Variants in LRGUK observed in about 807,000 individuals in gnomAD.
LRGUK encodes the protein leucine rich repeats and guanylate kinase domain containing.
In LRGUK, 65 loss-of-function variants were observed where a neutral mutation model predicts 76.0. That is an observed-to-expected ratio of 0.85 (90% CI 0.70 to 1.05). The LOEUF (loss-of-function observed/expected upper bound fraction) is 1.05, where lower values mean the gene tolerates loss of function less well. LRGUK is among the 50% of genes least tolerant of loss of function. The pLI is 0.00. For synonymous variants in LRGUK, 268 were observed against 265.6 expected (o/e 1.01, Z -0.09); for missense variants, 758 against 732.8 (o/e 1.03, Z -0.40).
At position 134,217,107 on chromosome 7, in the gene LRGUK, T is replaced by C. The variant is rs142410458; in HGVS notation, c.1844-4672T>C. Among the ~76,000 whole-genome samples, 378 of 152,206 alleles carry C rather than the reference T, an allele frequency of 2.5e-3. 2 individuals carry two copies. Among genetic ancestry groups the C allele is most frequent in the Admixed American group, 0.024 (374 of 15,270 alleles). ...TTGAAATTTACCTGTTCTATGTGTT[T>C]TATCTTCTTTAAAGTGTCAAGTAAC... On this transcript the variant is annotated intron_variant, in intron 15 of 19. Coordinates refer to the LRGUK transcript ENST00000285928.
chr7:134,134,858 C>T (rs1339039615), intron 1 of LRGUK, among the ~76,000 whole-genome samples: 1 of 152,168 alleles, frequency 6.6e-6, no homozygotes, highest in African/African-American at 2.4e-5. Flanking sequence ...TTAGTAGTAA[C>T]AGAAATCGTC....
chr7:134,158,048 A>G, exon 6 of LRGUK: 1 of 1,612,506 alleles, frequency 6.2e-7, no homozygotes, highest in Non-Finnish European at 8.5e-7. Flanking sequence ...ATGAGATAGA[A>G]GAAATCAGTG....
intron 8 of LRGUK, among the ~76,000 whole-genome samples, chr7:134,176,215 G>T (rs995416570): frequency 6.6e-6 from 1 of 152,092 alleles, no homozygotes; most frequent in Non-Finnish European, 1.5e-5. Context: ...AACATACCCT[G>T]GGGCCTGTCA....
intron 1 of LRGUK, among the ~76,000 whole-genome samples, chr7:134,129,151 CCT>C (rs1414153704): frequency 3.5e-5 from 4 of 112,850 alleles, no homozygotes; most frequent in African/African-American, 1.4e-4. Flanking sequence ...TCCCTTCCTT[CCT>C]CTTTCTTTCT....
intron 15 of LRGUK, among the ~76,000 whole-genome samples, chr7:134,202,121 T>A (rs1368425985): frequency 1.3e-5 from 2 of 152,110 alleles, no homozygotes; most frequent in African/African-American, 4.8e-5. Flanking sequence ...GACCTAATGC[T>A]CCTTATCTAA....
At chr7:134,137,759 A>G (rs11762482) in intron 2 of LRGUK, among the ~76,000 whole-genome samples, 232 of 152,264 alleles carry the variant, frequency 1.5e-3, no homozygotes, top group Non-Finnish European at 2.9e-3. Flanking sequence ...GTCTCTCTGT[A>G]GTCCTAGAAA....
intron 16 of LRGUK, among the ~76,000 whole-genome samples, chr7:134,245,541 G>A (rs1433174192): frequency 6.6e-6 from 1 of 152,056 alleles, no homozygotes; most frequent in East Asian, 1.9e-4. Flanking sequence ...CCTGTCACCT[G>A]GTTTCGTTGT....
At chr7:134,152,437 A>C (rs759966309) in intron 5 of LRGUK, among the ~76,000 whole-genome samples, 13 of 152,088 alleles carry the variant, frequency 8.5e-5, no homozygotes, top group Non-Finnish European at 1.8e-4. Context: ...AGATGAGAAA[A>C]AGAATTTTAT....
At chr7:134,220,167 C>A (rs1273568510) in intron 15 of LRGUK, among the ~76,000 whole-genome samples, 1 of 152,134 alleles carries the variant, frequency 6.6e-6, no homozygotes, top group East Asian at 1.9e-4. Context: ...ATACAGTTGT[C>A]TCATTTTGTC....
chr7:134,272,287 C>A, the LRGUK span, among the ~76,000 whole-genome samples: 4 of 152,072 alleles, frequency 2.6e-5, no homozygotes, highest in East Asian at 7.7e-4. Context: ...CAATCATATT[C>A]ATTGTATTAT....
exon 20 of LRGUK, chr7:134,264,060 T>C: frequency 7.3e-7 from 1 of 1,376,952 alleles, no homozygotes; most frequent in Non-Finnish European, 9.7e-7. Context: ...TGGGTCCAGC[T>C]GTTTCTCACT....
intron 18 of LRGUK, among the ~76,000 whole-genome samples, chr7:134,251,163 A>T (rs1284286189): frequency 6.6e-6 from 1 of 152,090 alleles, no homozygotes; most frequent in Non-Finnish European, 1.5e-5. Flanking sequence ...ATGTGACCTT[A>T]TTTGGAAATA....
intron 12 of LRGUK, 110 bp downstream of exon 12, chr7:134,191,861 TATGAG>T (rs1457718661): frequency 2.7e-6 from 2 of 735,700 alleles, no homozygotes; most frequent in Non-Finnish European, 4.3e-6. Flanking sequence ...TTGTGCTTGT[TATGAG>T]AGGTGAGTTT....
chr7:134,237,734 A>G (rs1802048962), intron 16 of LRGUK, among the ~76,000 whole-genome samples: 1 of 152,228 alleles, frequency 6.6e-6, no homozygotes, highest in South Asian at 2.1e-4. Context: ...AGGGATGTTC[A>G]TTACTATTGG....
At chr7:134,165,507 T>A (rs1276505025) in intron 7 of LRGUK, among the ~76,000 whole-genome samples, 1 of 152,184 alleles carries the variant, frequency 6.6e-6, no homozygotes, top group African/African-American at 2.4e-5. Context: ...GCCACAGATG[T>A]CATGTAAAAT....
chr7:134,196,119 T>C (rs1267489014), intron 12 of LRGUK, among the ~76,000 whole-genome samples: 1 of 152,218 alleles, frequency 6.6e-6, no homozygotes, highest in Non-Finnish European at 1.5e-5. Flanking sequence ...AAGTTTTCAC[T>C]TCATTGTTTA....
At chr7:134,192,577 T>C (rs574515494) in intron 12 of LRGUK, among the ~76,000 whole-genome samples, 29 of 152,364 alleles carry the variant, frequency 1.9e-4, no homozygotes, top group African/African-American at 7.0e-4. Flanking sequence ...ATGTTCCTTC[T>C]TGGCCTTCAC....
chr7:134,160,832 T>G (rs918842068), intron 6 of LRGUK, among the ~76,000 whole-genome samples: 1 of 152,208 alleles, frequency 6.6e-6, no homozygotes, highest in Non-Finnish European at 1.5e-5. Context: ...TTTTCCCAAC[T>G]AATCATTATG....
At chr7:134,179,379 A>C (rs934345521) in intron 10 of LRGUK, among the ~76,000 whole-genome samples, 1 of 152,244 alleles carries the variant, frequency 6.6e-6, no homozygotes, top group Non-Finnish European at 1.5e-5. Flanking sequence ...TCTTGGATAT[A>C]AATGGCTTCT....
Sources: gnomAD v4.1 joint callset for allele counts (sites outside exome capture counted in the v4.1 genomes callset) on GRCh38, gnomAD v4.1.1 for gene constraint, MANE v1.5 for transcripts, NCBI Gene and HGNC (gene_info 2026-07-23, HGNC 2026-07-21) for gene names.